PTPRM: variants seen among roughly 807,000 people sequenced by gnomAD.
PTPRM encodes receptor-type tyrosine-protein phosphatase mu.
A neutral mutation model predicts 186.7 loss-of-function variants in PTPRM; 47 were observed. The observed-to-expected ratio is 0.25, with a 90% CI of 0.20 to 0.32. The LOEUF is 0.32. Ranked by LOEUF, PTPRM falls within the 10% of genes least tolerant of loss-of-function variation. The probability of loss-of-function intolerance (pLI) is 1.00; values close to 1 mark genes in which losing one functional copy is unlikely to be tolerated. For synonymous variants in PTPRM, 668 were observed against 674.9 expected, an observed-to-expected ratio of 0.99 and a Z score of 0.16; for missense variants, 1,494 against 1,865.0, an observed-to-expected ratio of 0.80 and a Z score of 3.66.
intron 22 of PTPRM, among the ~76,000 whole-genome samples, chr18:8,337,556 A>T (rs2095446925): frequency 1.3e-5 from 2 of 152,220 alleles, no homozygotes; most frequent in Admixed American, 6.5e-5. Flanking sequence ...CAGTGGTATA[A>T]ACGAACAAAG....
At chr18:7,891,593 G>A (rs207476649) in intron 3 of PTPRM, among the ~76,000 whole-genome samples, 2 of 152,000 alleles carry the variant, frequency 1.3e-5, no homozygotes, top group African/African-American at 2.4e-5. Flanking sequence ...GTGGCCGGGC[G>A]CAATGGCTCG....
At chr18:8,387,901 G>C (rs6506580) in intron 31 of PTPRM, among the ~76,000 whole-genome samples, 19,559 of 151,378 alleles carry the variant, frequency 0.13, 3,551 homozygotes, top group African/African-American at 0.41. Flanking sequence ...CACATAGCCC[G>C]CAGCCTTACC....
intron 14 of PTPRM, among the ~76,000 whole-genome samples, chr18:8,216,890 G>A (rs1339201696): frequency 6.6e-6 from 1 of 152,222 alleles, no homozygotes; most frequent in Admixed American, 6.5e-5. Flanking sequence ...AGAGTGCAAG[G>A]TTTCCCTCTC....
At chr18:7,984,594 TATATATATAC>T (rs1218953723) in intron 7 of PTPRM, among the ~76,000 whole-genome samples, 5 of 120,166 alleles carry the variant, frequency 4.2e-5, no homozygotes, top group African/African-American at 1.3e-4. Flanking sequence ...TATATATATA[TATATATATAC>T]ACACACACAC....
rs577998880 is a variant in PTPRM at position 8,313,876 on chromosome 18, G to T, written c.2843-905G>T. ...TTTTAAAATATGGATTTGGGGCCAGGTGCTGTGGCTGACACCTATAATCCT... is the reference window on the plus strand; with the variant it reads ...TTTTAAAATATGGATTTGGGGCCAGTTGCTGTGGCTGACACCTATAATCCT... On this transcript the variant is annotated intron_variant, in intron 20 of 32. Coordinates refer to ENST00000580170, the MANE Select transcript of PTPRM (RefSeq NM_001105244.2). Among the ~76,000 whole-genome samples the T allele has an allele frequency of 5.9e-5, 9 of 152,174 alleles. No homozygotes were observed. The South Asian group carries it at 1.7e-3, about 28-fold the overall frequency.
At chr18:7,859,902 A>G (rs2047278160) in intron 2 of PTPRM, among the ~76,000 whole-genome samples, 1 of 152,110 alleles carries the variant, frequency 6.6e-6, no homozygotes, top group African/African-American at 2.4e-5. Context: ...ACAACCATTT[A>G]CATGGAAGCC....
chr18:8,226,027 A>T (rs1200435095), intron 14 of PTPRM, among the ~76,000 whole-genome samples: 1 of 152,216 alleles, frequency 6.6e-6, no homozygotes, highest in Non-Finnish European at 1.5e-5. Context: ...ATTTGAAAAG[A>T]TGTGAAACCT....
At chr18:8,184,179 C>T (rs903859994) in intron 14 of PTPRM, among the ~76,000 whole-genome samples, 1 of 152,180 alleles carries the variant, frequency 6.6e-6, no homozygotes, top group African/African-American at 2.4e-5. Context: ...TTCAAGCAGG[C>T]AAGTTCATGG....
chr18:8,147,515 G>C (rs1398946317), intron 14 of PTPRM, among the ~76,000 whole-genome samples: 19 of 152,246 alleles, frequency 1.2e-4, no homozygotes, highest in Admixed American at 1.2e-3. Flanking sequence ...AGACTTTGCT[G>C]AAGTTACTTA....
chr18:8,016,995 G>T (rs1218799609), intron 7 of PTPRM, among the ~76,000 whole-genome samples: 1 of 151,992 alleles, frequency 6.6e-6, no homozygotes, highest in East Asian at 1.9e-4. Flanking sequence ...TATAGGAAAG[G>T]GTTTGCATGT....
chr18:7,691,088 G>A (rs949351214), intron 1 of PTPRM, among the ~76,000 whole-genome samples: 1 of 151,998 alleles, frequency 6.6e-6, no homozygotes, highest in African/African-American at 2.4e-5. Flanking sequence ...TTTTAAAAGA[G>A]AATTATTCAG....
At chr18:8,286,955 C>T (rs1165765943) in intron 19 of PTPRM, among the ~76,000 whole-genome samples, 1 of 151,002 alleles carries the variant, frequency 6.6e-6, no homozygotes, top group Non-Finnish European at 1.5e-5. Flanking sequence ...TATTCATTTC[C>T]AAGCCTGTCA....
intron 2 of PTPRM, among the ~76,000 whole-genome samples, chr18:7,836,834 G>A (rs1812897280): frequency 6.6e-6 from 1 of 152,150 alleles, no homozygotes; most frequent in Admixed American, 6.5e-5. Flanking sequence ...GGCCTGTGGG[G>A]TTTCCACTGA....
intron 2 of PTPRM, among the ~76,000 whole-genome samples, chr18:7,839,057 A>G (rs143475153): frequency 4.2e-4 from 64 of 152,078 alleles, no homozygotes; most frequent in African/African-American, 1.5e-3. Context: ...CTTGGATAGC[A>G]TTTCTGGACT....
At chr18:8,361,813 G>A (rs955833130) in intron 23 of PTPRM, among the ~76,000 whole-genome samples, 2 of 152,164 alleles carry the variant, frequency 1.3e-5, no homozygotes, top group Non-Finnish European at 2.9e-5. Context: ...TGCCTGCCAG[G>A]CTTCTTTCTG....
intron 1 of PTPRM, among the ~76,000 whole-genome samples, chr18:7,576,165 C>T (rs2036682095): frequency 6.6e-6 from 1 of 152,180 alleles, no homozygotes; most frequent in African/African-American, 2.4e-5. Flanking sequence ...TTTCAACATG[C>T]ACCAGCCAAA....
At chr18:8,147,355 G>A (rs1199593999) in intron 14 of PTPRM, among the ~76,000 whole-genome samples, 1 of 152,106 alleles carries the variant, frequency 6.6e-6, no homozygotes, top group Non-Finnish European at 1.5e-5. Context: ...CCTTGAAGAG[G>A]TCCTTCACAT....
chr18:8,140,641 G>A (rs1467197449), intron 13 of PTPRM, among the ~76,000 whole-genome samples: 3 of 151,998 alleles, frequency 2.0e-5, no homozygotes, highest in African/African-American at 4.8e-5. Flanking sequence ...TAATCTCCCT[G>A]TAATATTTAG....
chr18:8,385,459 G>A (rs1410533753), intron 30 of PTPRM, among the ~76,000 whole-genome samples: 2 of 152,236 alleles, frequency 1.3e-5, no homozygotes, highest in African/African-American at 2.4e-5. Flanking sequence ...TGTGCCCTGT[G>A]AGCCAAGACG....
Sources: allele counts gnomAD v4.1 joint callset (sites outside exome capture counted in the v4.1 genomes callset), GRCh38; gene constraint gnomAD v4.1.1; transcripts MANE v1.5; gene names NCBI Gene and HGNC (gene_info 2026-07-23, HGNC 2026-07-21).